Variants in SEMA3A observed in about 807,000 individuals in gnomAD.
SEMA3A encodes semaphorin-3A.
SEMA3A carries 29 observed loss-of-function variants against 97.9 expected under a neutral mutation model. That is an observed-to-expected ratio of 0.30 (90% CI 0.22 to 0.40). SEMA3A has a LOEUF of 0.40. SEMA3A is among the 10% of genes least tolerant of loss of function. The pLI, the probability that SEMA3A is intolerant of heterozygous loss-of-function variation, is 1.00. For missense variants in SEMA3A, 763 were observed against 951.3 expected (o/e 0.80, Z 2.60); for synonymous variants, 321 against 323.7 (o/e 0.99, Z 0.09).
chr7:84,324,614 T>TA (rs1170271932), intron 2 of SEMA3A, among the ~76,000 whole-genome samples: 49 of 152,318 alleles, frequency 3.2e-4, no homozygotes, highest in African/African-American at 1.1e-3. Context: ...GAACTCTAGA[T>TA]AACAAAATAT....
At position 84,121,114 on chromosome 7, in the gene SEMA3A, A is replaced by T. The variant is rs79480803; in HGVS notation, c.333+8009T>A. On this transcript the variant is annotated intron_variant, in intron 3 of 16. Coordinates refer to ENST00000265362, the MANE Select transcript of SEMA3A (RefSeq NM_006080.3). Reference sequence around the variant, plus strand: ...TCTGCCCTTTGCTCCAGAGGGAGACACTCTGTTTCCCAAGACCATTTGCAA... The same window carrying T: ...TCTGCCCTTTGCTCCAGAGGGAGACTCTCTGTTTCCCAAGACCATTTGCAA... Among the ~76,000 whole-genome samples, 6 of 151,928 alleles carry T rather than the reference A, an allele frequency of 3.9e-5. No individual in the cohort carries two copies. The East Asian group carries it at 1.2e-3, about 29-fold the overall frequency.
intron 6 of SEMA3A, among the ~76,000 whole-genome samples, chr7:84,021,052 C>T (rs935418115): frequency 6.6e-6 from 1 of 152,154 alleles, no homozygotes; most frequent in African/African-American, 2.4e-5. Context: ...AATATATATA[C>T]TTGAGGTGGG....
chr7:84,125,391 A>G (rs1443938210), intron 3 of SEMA3A, among the ~76,000 whole-genome samples: 1 of 152,216 alleles, frequency 6.6e-6, no homozygotes, highest in Non-Finnish European at 1.5e-5. Flanking sequence ...CATAAAATTC[A>G]TAAACATTTT....
At chr7:84,051,317 C>G (rs370338768) in intron 5 of SEMA3A, among the ~76,000 whole-genome samples, 1 of 152,074 alleles carries the variant, frequency 6.6e-6, no homozygotes, top group Non-Finnish European at 1.5e-5. Flanking sequence ...GCCATTTTCA[C>G]GATATTGATT....
At position 84,137,411 on chromosome 7, in the gene SEMA3A, A is replaced by G. The variant is rs1340877304; in HGVS notation, c.113-2460T>C. ...GCAACATTCAGTCTCAAAAAAAAAAAAAAAAAGAAATGGCATTCATTTCAT... is the reference window on the plus strand; with the variant it reads ...GCAACATTCAGTCTCAAAAAAAAAAGAAAAAAGAAATGGCATTCATTTCAT... On this transcript the variant is annotated intron_variant, in intron 1 of 16. Transcript: ENST00000265362. Among the ~76,000 whole-genome samples, 6 of 151,574 alleles carry G rather than the reference A, an allele frequency of 4.0e-5. No homozygotes were observed. The East Asian group carries it at 1.2e-3, about 29-fold the overall frequency.
chr7:84,465,526 T>C (rs1805968671), intron 1 of SEMA3A, among the ~76,000 whole-genome samples: 1 of 151,944 alleles, frequency 6.6e-6, no homozygotes, highest in Non-Finnish European at 1.5e-5. Flanking sequence ...AAAATTTCCA[T>C]TTTGTATTTC....
At chr7:83,973,925 G>A (rs1194840336) in intron 15 of SEMA3A, among the ~76,000 whole-genome samples, 2 of 146,188 alleles carry the variant, frequency 1.4e-5, no homozygotes, top group African/African-American at 2.5e-5. Flanking sequence ...TTTCCTTTCT[G>A]GACATGTAAA....
At chr7:84,138,492 G>A (rs976197001) in intron 1 of SEMA3A, among the ~76,000 whole-genome samples, 1 of 152,060 alleles carries the variant, frequency 6.6e-6, no homozygotes, top group Non-Finnish European at 1.5e-5. Flanking sequence ...GGTGAATTCT[G>A]TAAATTAGTT....
intron 2 of SEMA3A, among the ~76,000 whole-genome samples, chr7:84,324,309 TG>T (rs1169840941): frequency 7.2e-5 from 11 of 152,178 alleles, no homozygotes; most frequent in Non-Finnish European, 1.5e-4. Context: ...ATTCAAATCT[TG>T]TTCATTAGTG....
At chr7:84,236,697 A>G (rs577630893) in intron 3 of SEMA3A, among the ~76,000 whole-genome samples, 2 of 152,268 alleles carry the variant, frequency 1.3e-5, no homozygotes, top group African/African-American at 4.8e-5. Context: ...CACTTGGAAT[A>G]CAGGTAATTA....
At chr7:84,375,018 A>T (rs1384375790) in intron 1 of SEMA3A, among the ~76,000 whole-genome samples, 1 of 151,894 alleles carries the variant, frequency 6.6e-6, no homozygotes, top group African/African-American at 2.4e-5. Flanking sequence ...GTAATATTTT[A>T]TTTTATTTTT....
At chr7:84,367,179 T>C (rs1324291602) in intron 2 of SEMA3A, among the ~76,000 whole-genome samples, 1 of 151,196 alleles carries the variant, frequency 6.6e-6, no homozygotes, top group Admixed American at 6.6e-5. Context: ...AAAGACATTT[T>C]CTAATAAAAA....
chr7:84,465,027 G>A (rs1288808205), intron 1 of SEMA3A, among the ~76,000 whole-genome samples: 1 of 151,982 alleles, frequency 6.6e-6, no homozygotes, highest in East Asian at 1.9e-4. Context: ...CTTCTGTATG[G>A]CCCCAAAAGA....
intron 3 of SEMA3A, among the ~76,000 whole-genome samples, chr7:84,223,765 A>G (rs906713145): frequency 6.6e-6 from 1 of 151,886 alleles, no homozygotes; most frequent in Non-Finnish European, 1.5e-5. Context: ...AATTCCAGAT[A>G]TCATGAACTT....
chr7:84,068,747 A>G (rs534433686), intron 4 of SEMA3A, among the ~76,000 whole-genome samples: 77 of 152,252 alleles, frequency 5.1e-4, no homozygotes, highest in African/African-American at 1.6e-3. Flanking sequence ...GTAGATGAGA[A>G]GTGCTTCCAA....
intron 1 of SEMA3A, among the ~76,000 whole-genome samples, chr7:84,379,786 A>G (rs533139986): frequency 1.6e-4 from 24 of 152,344 alleles, no homozygotes; most frequent in African/African-American, 5.3e-4. Context: ...AATAAATTTC[A>G]AAGTATTGGT....
At chr7:84,018,693 G>A (rs1791198586) in intron 6 of SEMA3A, among the ~76,000 whole-genome samples, 1 of 152,266 alleles carries the variant, frequency 6.6e-6, no homozygotes, top group East Asian at 1.9e-4. Flanking sequence ...CAGGAACAAC[G>A]GAGAAAGTTG....
At chr7:84,190,704 TTA>T (rs951979101) in intron 1 of SEMA3A, among the ~76,000 whole-genome samples, 3 of 147,072 alleles carry the variant, frequency 2.0e-5, no homozygotes, top group African/African-American at 4.9e-5. Context: ...ACTCTATTAT[TTA>T]TATATATATA....
rs1032897260 is a variant in SEMA3A at position 84,260,505 on chromosome 7, A to G, written c.-83+46702T>C. On this transcript the variant is annotated intron_variant, in intron 3 of 3. Transcript: ENST00000424555. ...ATCCCTGCACTCTCCAGGGACCAGA[A>G]AGCCTTTCACCCCTGAAGGCTCGAA... Among the ~76,000 whole-genome samples the G allele has an allele frequency of 2.0e-5, 3 of 151,440 alleles. No individual in the cohort carries two copies. In the East Asian group the frequency reaches 5.8e-4, roughly 30 times the overall value.
Sources: allele counts gnomAD v4.1 joint callset (sites outside exome capture counted in the v4.1 genomes callset), GRCh38; gene constraint gnomAD v4.1.1; transcripts MANE v1.5; gene names NCBI Gene and HGNC (gene_info 2026-07-23, HGNC 2026-07-21).